Variants in RBFOX1 observed in about 807,000 individuals in gnomAD.
The protein encoded by RBFOX1 is RNA binding fox-1 homolog 1.
A neutral mutation model predicts 57.7 loss-of-function variants in RBFOX1; 8 were observed. The ratio of observed to expected loss-of-function variants is 0.14; its 90% CI spans 0.08 to 0.25. The LOEUF is 0.25. RBFOX1 is among the 10% of genes least tolerant of loss of function. The pLI is 1.00. For missense variants in RBFOX1, 611 were observed against 548.5 expected (o/e 1.11, Z -1.14); for synonymous variants, 326 against 222.4 (o/e 1.47, Z -4.15).
At chr16:7,417,366 C>T (rs1319574881) in intron 4 of RBFOX1, among the ~76,000 whole-genome samples, 1 of 87,770 alleles carries the variant, frequency 1.1e-5, no homozygotes. Context: ...GAGCGAGACT[C>T]TGTGTCAAAG....
At chr16:5,411,960 A>C (rs2067033213) in intron 1 of RBFOX1, among the ~76,000 whole-genome samples, 1 of 152,184 alleles carries the variant, frequency 6.6e-6, no homozygotes, top group Non-Finnish European at 1.5e-5. Flanking sequence ...TAAACTCAAC[A>C]GATCTCACTG....
At chr16:5,513,855 T>G (rs185162925) in intron 2 of RBFOX1, among the ~76,000 whole-genome samples, 1 of 152,102 alleles carries the variant, frequency 6.6e-6, no homozygotes, top group African/African-American at 2.4e-5. Context: ...CATAAGTGAG[T>G]GGTGCAAAAT....
At chr16:7,614,827 A>G (rs960122652) in intron 10 of RBFOX1, 1 of 152,238 alleles carries the variant, frequency 6.6e-6, no homozygotes, top group Non-Finnish European at 1.5e-5. Flanking sequence ...CATTATTTTC[A>G]TGATCAAATT....
intron 4 of RBFOX1, among the ~76,000 whole-genome samples, chr16:7,269,098 T>A (rs906019067): frequency 3.7e-5 from 5 of 136,644 alleles, no homozygotes; most frequent in Non-Finnish European, 7.8e-5. Flanking sequence ...ACATTAACCC[T>A]CACAGCCCAT....
At chr16:5,941,844 G>C (rs1567172006) in intron 4 of RBFOX1, among the ~76,000 whole-genome samples, 1 of 152,048 alleles carries the variant, frequency 6.6e-6, no homozygotes, top group Non-Finnish European at 1.5e-5. Flanking sequence ...GCCAGCGTTA[G>C]TATGGATGAC....
At chr16:7,304,993 G>A (rs1279252118) in intron 4 of RBFOX1, among the ~76,000 whole-genome samples, 1 of 149,968 alleles carries the variant, frequency 6.7e-6, no homozygotes, top group Non-Finnish European at 1.5e-5. Context: ...TATTCGGTCC[G>A]CATGGGATCG....
At chr16:6,906,204 C>T (rs1286878618) in intron 3 of RBFOX1, among the ~76,000 whole-genome samples, 1 of 151,808 alleles carries the variant, frequency 6.6e-6, no homozygotes, top group African/African-American at 2.4e-5. Context: ...GTAGAAGGTG[C>T]CCATCCTATG....
chr16:6,660,849 G>C (rs1029968), intron 3 of RBFOX1, among the ~76,000 whole-genome samples: 113,030 of 152,016 alleles, frequency 0.74, 42,089 homozygotes, highest in Admixed American at 0.78. Flanking sequence ...CCTGGAAAGT[G>C]TTAGGGGATC....
intron 4 of RBFOX1, among the ~76,000 whole-genome samples, chr16:7,331,030 G>A (rs1029139231): frequency 7.9e-5 from 12 of 152,124 alleles, no homozygotes; most frequent in African/African-American, 2.7e-4. Flanking sequence ...TGGCCACTTT[G>A]ATGCATGAGA....
At chr16:6,047,821 A>G (rs1327939544) in intron 1 of RBFOX1, among the ~76,000 whole-genome samples, 1 of 152,218 alleles carries the variant, frequency 6.6e-6, no homozygotes, top group Non-Finnish European at 1.5e-5. Flanking sequence ...CATGGAGGGT[A>G]TACCATGGCT....
chr16:5,674,331 A>G (rs899613846), intron 3 of RBFOX1, among the ~76,000 whole-genome samples: 1 of 152,200 alleles, frequency 6.6e-6, no homozygotes, highest in Non-Finnish European at 1.5e-5. Context: ...TTTATTTCCT[A>G]TGTAATCTCC....
intron 4 of RBFOX1, among the ~76,000 whole-genome samples, chr16:7,351,134 G>C (rs1170225806): frequency 6.6e-6 from 1 of 152,166 alleles, no homozygotes; most frequent in East Asian, 1.9e-4. Flanking sequence ...TCTCACTTTT[G>C]CAAGTTATGA....
At chr16:6,639,891 C>CAAA (rs1310691448) in intron 2 of RBFOX1, among the ~76,000 whole-genome samples, 1 of 151,880 alleles carries the variant, frequency 6.6e-6, no homozygotes, top group Non-Finnish European at 1.5e-5. Context: ...AAACAAAAAA[C>CAAA]AAAAAACAAA....
chr16:5,717,549 T>C (rs1374232951), intron 3 of RBFOX1, among the ~76,000 whole-genome samples: 1 of 152,298 alleles, frequency 6.6e-6, no homozygotes, highest in Admixed American at 6.5e-5. Context: ...TTCATTCTTA[T>C]GCTTTTGTAT....
At chr16:5,480,870 C>G (rs2069516262) in intron 2 of RBFOX1, among the ~76,000 whole-genome samples, 1 of 152,182 alleles carries the variant, frequency 6.6e-6, no homozygotes, top group Non-Finnish European at 1.5e-5. Context: ...CTGATTTGCT[C>G]TTAGAAGCAA....
At chr16:7,614,340 TCTCTC>T (rs1423121147) in intron 10 of RBFOX1, 1 of 152,138 alleles carries the variant, frequency 6.6e-6, no homozygotes, top group Non-Finnish European at 1.5e-5. Flanking sequence ...TCACTTCGCT[TCTCTC>T]CTCTCCTCCC....
At chr16:5,324,858 T>C (rs2064519492) in intron 1 of RBFOX1, among the ~76,000 whole-genome samples, 1 of 151,964 alleles carries the variant, frequency 6.6e-6, no homozygotes, top group Admixed American at 6.6e-5. Context: ...TTGGAGAAAA[T>C]AACTATCATT....
At chr16:5,283,436 A>T (rs552851983) in intron 1 of RBFOX1, among the ~76,000 whole-genome samples, 6 of 152,054 alleles carry the variant, frequency 3.9e-5, no homozygotes, top group East Asian at 1.9e-4. Context: ...CAAACACTCA[A>T]TGCCAACCAG....
At chr16:6,759,255 G>T (rs936164767) in intron 3 of RBFOX1, among the ~76,000 whole-genome samples, 1 of 151,724 alleles carries the variant, frequency 6.6e-6, no homozygotes, top group African/African-American at 2.4e-5. Flanking sequence ...GGTTCCAGCA[G>T]TTCTCCTGTT....
Sources: gnomAD v4.1 joint callset for allele counts (sites outside exome capture counted in the v4.1 genomes callset) on GRCh38, gnomAD v4.1.1 for gene constraint, MANE v1.5 for transcripts, NCBI Gene and HGNC (gene_info 2026-07-23, HGNC 2026-07-21) for gene names.